The following NR6A1 variants were observed in gnomAD, a reference collection of about 807,000 sequenced individuals.
NR6A1 encodes the protein retinoic acid receptor-related testis-associated receptor.
A neutral mutation model predicts 59.1 loss-of-function variants in NR6A1; 7 were observed. The observed-to-expected ratio is 0.12, with a 90% CI of 0.07 to 0.22. The LOEUF is 0.22. NR6A1 is among the 10% of genes least tolerant of loss of function. The pLI, the probability that NR6A1 is intolerant of heterozygous loss-of-function variation, is 1.00. For synonymous variants in NR6A1, 243 were observed against 236.1 expected (o/e 1.03, Z -0.27); for missense variants, 468 against 611.6 (o/e 0.77, Z 2.48).
intron 2 of NR6A1, among the ~76,000 whole-genome samples, chr9:124,613,974 T>A (rs1229216777): frequency 6.6e-6 from 1 of 152,176 alleles, no homozygotes; most frequent in Non-Finnish European, 1.5e-5. Context: ...TTTCAGGTAC[T>A]GGACCTCAGG....
At chr9:124,640,224 A>T (rs936098518) in intron 2 of NR6A1, among the ~76,000 whole-genome samples, 7 of 152,302 alleles carry the variant, frequency 4.6e-5, no homozygotes, top group African/African-American at 1.7e-4. Flanking sequence ...TAGGATTTAG[A>T]GGGAATCTCC....
At chr9:124,675,072 T>A (rs1460941370) in intron 2 of NR6A1, among the ~76,000 whole-genome samples, 2 of 152,214 alleles carry the variant, frequency 1.3e-5, no homozygotes, top group Non-Finnish European at 2.9e-5. Flanking sequence ...CTTATACTAG[T>A]CTTTTCTTCC....
intron 2 of NR6A1, among the ~76,000 whole-genome samples, chr9:124,558,721 G>C (rs1833994868): frequency 6.6e-6 from 1 of 152,068 alleles, no homozygotes; most frequent in Non-Finnish European, 1.5e-5. Flanking sequence ...GGGAAAGCTG[G>C]AAGCCTCAAA....
intron 2 of NR6A1, among the ~76,000 whole-genome samples, chr9:124,583,283 C>G (rs1834826357): frequency 6.6e-6 from 1 of 152,156 alleles, no homozygotes; most frequent in Non-Finnish European, 1.5e-5. Flanking sequence ...TGGGAACACT[C>G]CCCTAGAGGA....
chr9:124,598,500 T>C (rs1223538695), intron 2 of NR6A1, among the ~76,000 whole-genome samples: 1 of 151,840 alleles, frequency 6.6e-6, no homozygotes, highest in Non-Finnish European at 1.5e-5. Flanking sequence ...ATAAACAAAA[T>C]TCTAAATCCA....
chr9:124,585,133 C>CT (rs1408348944), intron 2 of NR6A1, among the ~76,000 whole-genome samples: 1 of 152,198 alleles, frequency 6.6e-6, no homozygotes, highest in African/African-American at 2.4e-5. Flanking sequence ...AAGGCCCTAA[C>CT]TCTCTTCAAT....
At chr9:124,620,788 T>C (rs1228762731) in intron 2 of NR6A1, among the ~76,000 whole-genome samples, 1 of 151,382 alleles carries the variant, frequency 6.6e-6, no homozygotes, top group African/African-American at 2.4e-5. Flanking sequence ...AATTATGATA[T>C]GTGAAACATG....
intron 1 of NR6A1, among the ~76,000 whole-genome samples, chr9:124,739,506 G>A (rs1190214528): frequency 6.6e-6 from 1 of 152,214 alleles, no homozygotes. Flanking sequence ...CCAGGCTGGG[G>A]TGCAGTGGCA....
intron 2 of NR6A1, among the ~76,000 whole-genome samples, chr9:124,586,359 T>C (rs1465656045): frequency 6.6e-6 from 1 of 152,066 alleles, no homozygotes; most frequent in Non-Finnish European, 1.5e-5. Context: ...GTGGAGGAAG[T>C]AAATGTAGAA....
intron 2 of NR6A1, among the ~76,000 whole-genome samples, chr9:124,646,631 CCTAACA>C (rs922718229): frequency 4.4e-4 from 67 of 152,194 alleles, no homozygotes; most frequent in African/African-American, 1.4e-3. Context: ...ACATAAAATA[CCTAACA>C]CTAACACTAA....
chr9:124,580,750 G>A (rs1426039396), intron 2 of NR6A1, among the ~76,000 whole-genome samples: 1 of 152,090 alleles, frequency 6.6e-6, no homozygotes, highest in African/African-American at 2.4e-5. Flanking sequence ...AACCCAGGAG[G>A]CAGAGGTTGT....
chr9:124,767,540 C>T (rs1042062183), intron 1 of NR6A1, among the ~76,000 whole-genome samples: 1 of 150,906 alleles, frequency 6.6e-6, no homozygotes, highest in African/African-American at 2.4e-5. Context: ...GAAAAACCTG[C>T]GTGCTGTATG....
chr9:124,651,311 G>A (rs187835197), intron 2 of NR6A1, among the ~76,000 whole-genome samples: 326 of 152,132 alleles, frequency 2.1e-3, no homozygotes, highest in Middle Eastern at 0.017. Context: ...CGTCCACCTC[G>A]GCCTCCCAAA....
chr9:124,547,284 A>C (rs1214528045), intron 3 of NR6A1, among the ~76,000 whole-genome samples: 1 of 151,890 alleles, frequency 6.6e-6, no homozygotes, highest in Non-Finnish European at 1.5e-5. Context: ...AACAAAGCTA[A>C]CTACATCAAA....
intron 6 of NR6A1, 79 bp downstream of exon 6, chr9:124,538,013 A>G (rs1833323647): frequency 1.7e-6 from 2 of 1,186,998 alleles, no homozygotes; most frequent in Admixed American, 4.3e-5. Context: ...CCACGGGTAT[A>G]GGAGCCAGGG....
intron 2 of NR6A1, among the ~76,000 whole-genome samples, chr9:124,626,169 CTAA>C (rs776477131): frequency 3.0e-4 from 46 of 152,218 alleles, no homozygotes; most frequent in Non-Finnish European, 5.1e-4. Context: ...CCATGCCCAG[CTAA>C]TTTTTGTATT....
At chr9:124,680,073 T>C (rs372628332) in intron 2 of NR6A1, among the ~76,000 whole-genome samples, 3 of 148,018 alleles carry the variant, frequency 2.0e-5, no homozygotes, top group East Asian at 3.9e-4. Flanking sequence ...AATGTGTTTA[T>C]GTGTCTGTGT....
At chr9:124,765,296 C>T (rs906113393) in intron 1 of NR6A1, among the ~76,000 whole-genome samples, 2 of 152,152 alleles carry the variant, frequency 1.3e-5, no homozygotes, top group Non-Finnish European at 2.9e-5. Context: ...ACTTGAAGCC[C>T]TCCTGTGAAT....
chr9:124,558,298 G>A (rs1833984212), intron 2 of NR6A1, among the ~76,000 whole-genome samples: 1 of 152,032 alleles, frequency 6.6e-6, no homozygotes, highest in Admixed American at 6.6e-5. Context: ...AAGACTAAAG[G>A]GCCATATTTC....
Sources: gnomAD v4.1 joint callset for allele counts (sites outside exome capture counted in the v4.1 genomes callset) on GRCh38, gnomAD v4.1.1 for gene constraint, MANE v1.5 for transcripts, NCBI Gene and HGNC (gene_info 2026-07-23, HGNC 2026-07-21) for gene names.